RFC5: variants seen among roughly 807,000 people sequenced by gnomAD.
RFC5 encodes replication factor C subunit 5, also known as A1 36 kDa subunit.
In RFC5, 26 loss-of-function variants were observed where a neutral mutation model predicts 44.3. That is an observed-to-expected ratio of 0.59 (90% CI 0.43 to 0.81). The LOEUF (loss-of-function observed/expected upper bound fraction) is 0.81, where lower values mean the gene tolerates loss of function less well. RFC5 is among the 40% of genes least tolerant of loss of function. RFC5 has a pLI of 0.00. For synonymous variants in RFC5, 155 were observed against 155.2 expected (o/e 1.00, Z 0.01); for missense variants, 328 against 418.6 (o/e 0.78, Z 1.89).
In RFC5 at chr12:118,031,207, G is replaced by A. The variant is rs768681012; in HGVS notation, c.952G>A (p.Glu318Lys). Residue 318 changes from glutamate to lysine, a missense_variant, in exon 11 of 11, where the codon GAG becomes AAG. Glu to Lys is a moderately conservative substitution (Grantham distance 56). Transcript: ENST00000454402. ...IEYRLSVGTNEKIQLSSLIAA... is the reference protein window; with the variant it reads ...IEYRLSVGTNKKIQLSSLIAA... ...GTACAGGCTTTCTGTTGGCACCAAC[G>A]AGAAGATCCAGCTGAGCTCCCTCAT... The A allele has an allele frequency of 5.0e-6, 8 of 1,613,756 alleles. No homozygotes were observed. In the Admixed American group the frequency reaches 5.0e-5, roughly 10 times the overall value.
chr12:118,017,451 T>C (rs1197221368), intron 1 of RFC5, among the ~76,000 whole-genome samples: 1 of 152,132 alleles, frequency 6.6e-6, no homozygotes, highest in African/African-American at 2.4e-5. Context: ...AGGGAGAAAA[T>C]TGGCTTGGAG....
At chr12:118,020,859 A>C (rs758162638) in intron 3 of RFC5, 47 bp from the exon 4 acceptor site, 1 of 1,256,044 alleles carries the variant, frequency 8.0e-7, no homozygotes, top group Admixed American at 1.7e-5. Flanking sequence ...ACTCACAGAT[A>C]GCACAGCAAC....
Position 118,016,761 on chromosome 12 carries a change from G to C in RFC5, c.-67G>C. 1 of 1,363,084 alleles carries C rather than the reference G, an allele frequency of 7.3e-7. No individual in the cohort carries two copies. Among genetic ancestry groups the C allele is most frequent in the Non-Finnish European group, 1.0e-6 (1 of 972,578 alleles). 84.4% of individuals were successfully genotyped at this position (1,363,084 alleles called of 1,614,324 possible). A position where few individuals can be genotyped will look rare whatever the true frequency, so the allele number is the denominator to read the frequency against. ...AGGGTCTCAGGGTCAGGTCGCGGCT[G>C]GTCACTGTGCAGGCGCTTGGGTGAC... On this transcript the variant is annotated 5_prime_UTR_variant, in exon 1 of 11. Coordinates refer to ENST00000454402, the MANE Select transcript of RFC5 (RefSeq NM_007370.7).
chr12:118,022,038 G>C (rs1230468750), intron 4 of RFC5, among the ~76,000 whole-genome samples: 2 of 152,194 alleles, frequency 1.3e-5, no homozygotes, highest in Non-Finnish European at 2.9e-5. Context: ...GCCATGTGGA[G>C]GAAAGTGAAG....
chr12:118,035,833 C>T, downstream of RFC5: 1 of 164,238 alleles, frequency 6.1e-6, no homozygotes, highest in South Asian at 1.6e-4. Flanking sequence ...CGAAGAAGTA[C>T]ACACAGCCAC....
chr12:118,033,988 G>T, downstream of RFC5: 1 of 635,480 alleles, frequency 1.6e-6, no homozygotes, highest in Non-Finnish European at 2.7e-6. Context: ...CGTGCAAGTG[G>T]AATCTCTTCC....
At chr12:118,027,335 C>A in intron 8 of RFC5, 1 of 267,104 alleles carries the variant, frequency 3.7e-6, no homozygotes, top group Non-Finnish European at 7.2e-6. Flanking sequence ...AGCTCTTGTG[C>A]TGTGAAATGA....
At position 118,017,961 on chromosome 12, in the gene RFC5, T is replaced by C. The variant is rs1041387083; in HGVS notation, c.65+1069T>C. The C allele has an allele frequency of 1.0e-5, 7 of 691,608 alleles. No individual in the cohort carries two copies. The East Asian group carries it at 1.3e-4, about 13-fold the overall frequency. The allele number at this position is 691,608 out of a possible 1,614,324, so 42.8% of individuals were successfully genotyped here. A position where few individuals can be genotyped will look rare whatever the true frequency, so the allele number is the denominator to read the frequency against. On this transcript the variant is annotated intron_variant, in intron 1 of 10. Transcript: ENST00000454402. ...ACCCCAAATGGAAATCCTTTACCCA[T>C]TGACAGTTACTCCCCATTCTCCCCT... is the stretch of plus-strand genomic sequence containing the variant.
intron 8 of RFC5, among the ~76,000 whole-genome samples, chr12:118,027,683 A>G (rs74406984): frequency 8.7e-5 from 13 of 149,174 alleles, no homozygotes; most frequent in East Asian, 4.0e-4. Context: ...AAAAAAAAAA[A>G]AAAGAAAGAA....
At chr12:118,040,438 C>G in the RFC5 span, among the ~76,000 whole-genome samples, 51,909 of 151,752 alleles carry the variant, frequency 0.34, 9,077 homozygotes, top group Non-Finnish European at 0.36. Flanking sequence ...GGCAAGCTGC[C>G]TCAGTACACA....
chr12:118,025,714 G>T (rs780107254), intron 6 of RFC5, 33 bp from the exon 7 acceptor site: 2 of 1,253,292 alleles, frequency 1.6e-6, no homozygotes, highest in South Asian at 2.4e-5. Flanking sequence ...CTCTCAGGGG[G>T]CCTCATAAAT....
At chr12:118,029,917 T>C in intron 10 of RFC5, 92 bp downstream of exon 10, 2 of 981,516 alleles carry the variant, frequency 2.0e-6, no homozygotes, top group South Asian at 2.6e-5. Flanking sequence ...TCAGGTTTTT[T>C]TCCTAAATCG....
At chr12:118,028,451 T>C (rs1288102140) in intron 9 of RFC5, among the ~76,000 whole-genome samples, 1 of 146,862 alleles carries the variant, frequency 6.8e-6, no homozygotes, top group Admixed American at 7.1e-5. Context: ...GCCACTGCAC[T>C]CCAGCCTGGG....
chr12:118,026,320 A>C (rs1353607613), intron 7 of RFC5, among the ~76,000 whole-genome samples: 8 of 152,012 alleles, frequency 5.3e-5, no homozygotes. Flanking sequence ...CACTTGTTGC[A>C]GGCCAGGTAT....
At chr12:118,038,217 T>A in the RFC5 span, 1 of 1,445,246 alleles carries the variant, frequency 6.9e-7, no homozygotes. Context: ...TTGAGAACAC[T>A]CACACACACC....
At chr12:118,031,045 C>T in intron 10 of RFC5, 137 bp from the exon 11 acceptor site, 1 of 592,602 alleles carries the variant, frequency 1.7e-6, no homozygotes, top group Non-Finnish European at 3.1e-6. Flanking sequence ...ACAAGATTGC[C>T]ATCCAGGGCA....
At chr12:118,038,628 A>C in the RFC5 span, among the ~76,000 whole-genome samples, 1 of 152,200 alleles carries the variant, frequency 6.6e-6, no homozygotes, top group Non-Finnish European at 1.5e-5. Context: ...CTATGGCTTC[A>C]ACACAATCTA....
Position 118,022,707 on chromosome 12 carries a change from C to T in RFC5, c.421+348C>T, listed in dbSNP as rs572626433. On this transcript the variant is annotated intron_variant, in intron 5 of 10. Transcript: ENST00000454402. ...CTCGACCTCCTGACCTTGGGTGATC[C>T]GCCCGCCTCGGCTTCCCAAAGTGCT... 4.6e-5 allele frequency among the ~76,000 whole-genome samples: 7 copies of T among 152,100 alleles called. No homozygotes were observed. The East Asian group carries it at 1.4e-3, about 29-fold the overall frequency.
chr12:118,017,559 G>T, intron 1 of RFC5: 1 of 540,340 alleles, frequency 1.9e-6, no homozygotes, highest in Non-Finnish European at 2.6e-6. Flanking sequence ...AAGCAATTTG[G>T]CTTGGCTTCG....
Sources: gnomAD v4.1 joint callset for allele counts (sites outside exome capture counted in the v4.1 genomes callset) on GRCh38, gnomAD v4.1.1 for gene constraint, MANE v1.5 for transcripts, NCBI Gene and HGNC (gene_info 2026-07-23, HGNC 2026-07-21) for gene names.